Variants in SGMS1 observed in about 807,000 individuals in gnomAD.
The protein encoded by SGMS1 is sphingomyelin synthase 1.
In SGMS1, 13 loss-of-function variants were observed where a neutral mutation model predicts 46.2. The observed-to-expected ratio is 0.28, with a 90% CI of 0.18 to 0.45. The LOEUF is 0.45. Among genes scored for constraint, SGMS1 ranks in the 20% least tolerant of loss-of-function variants. The pLI, the probability that SGMS1 is intolerant of heterozygous loss-of-function variation, is 1.00. For synonymous variants in SGMS1, 203 were observed against 187.8 expected (o/e 1.08, Z -0.66); for missense variants, 324 against 519.9 (o/e 0.62, Z 3.66).
chr10:50,616,142 G>T (rs1838794939), intron 1 of SGMS1, among the ~76,000 whole-genome samples: 1 of 151,968 alleles, frequency 6.6e-6, no homozygotes, highest in Non-Finnish European at 1.5e-5. Context: ...TTGAAACAGG[G>T]TCTTGCTCTG....
chr10:50,380,103 G>A (rs1007963205), intron 6 of SGMS1, among the ~76,000 whole-genome samples: 1 of 152,090 alleles, frequency 6.6e-6, no homozygotes, highest in African/African-American at 2.4e-5. Context: ...TCCCTTGGCT[G>A]GGCACAGTGG....
At chr10:50,552,156 C>G (rs1319358410) in intron 2 of SGMS1, among the ~76,000 whole-genome samples, 1 of 152,212 alleles carries the variant, frequency 6.6e-6, no homozygotes, top group East Asian at 1.9e-4. Context: ...CCAAACTCCT[C>G]AGACAGGCAC....
intron 6 of SGMS1, among the ~76,000 whole-genome samples, chr10:50,352,790 T>G (rs932565221): frequency 1.3e-5 from 2 of 152,150 alleles, no homozygotes; most frequent in African/African-American, 2.4e-5. Context: ...CAAACTACCA[T>G]CAGAGAATAC....
At chr10:50,561,411 CTTAA>C (rs1194994977) in intron 2 of SGMS1, among the ~76,000 whole-genome samples, 1 of 152,192 alleles carries the variant, frequency 6.6e-6, no homozygotes, top group African/African-American at 2.4e-5. Context: ...AGCTCAGTCT[CTTAA>C]TTAACCACGA....
chr10:50,450,231 T>A (rs1037408376), intron 5 of SGMS1, among the ~76,000 whole-genome samples: 2 of 152,130 alleles, frequency 1.3e-5, no homozygotes, highest in African/African-American at 4.8e-5. Context: ...GACTAAGAAA[T>A]TTATACTTTA....
intron 2 of SGMS1, among the ~76,000 whole-genome samples, chr10:50,546,942 C>T (rs1233318220): frequency 6.6e-6 from 1 of 152,072 alleles, no homozygotes; most frequent in Non-Finnish European, 1.5e-5. Flanking sequence ...ATATTTTAAT[C>T]CTCATTTTAC....
At chr10:50,341,477 G>A (rs1847820549) in intron 7 of SGMS1, 1 of 455,696 alleles carries the variant, frequency 2.2e-6, no homozygotes, top group African/African-American at 2.0e-5. Context: ...TTAGTTGGAT[G>A]CATTCTGGAC....
intron 7 of SGMS1, among the ~76,000 whole-genome samples, chr10:50,336,656 A>C (rs1191099158): frequency 6.6e-6 from 1 of 151,898 alleles, no homozygotes. Context: ...AAATCTGTTA[A>C]AAAAAAATAC....
chr10:50,437,740 T>C (rs886701050), intron 5 of SGMS1, among the ~76,000 whole-genome samples: 2 of 152,214 alleles, frequency 1.3e-5, no homozygotes, highest in South Asian at 2.1e-4. Context: ...AAGGATGGTA[T>C]AGTGAAAGTG....
chr10:50,580,429 C>T (rs954694586), intron 2 of SGMS1, among the ~76,000 whole-genome samples: 17 of 151,622 alleles, frequency 1.1e-4, no homozygotes, highest in African/African-American at 3.1e-4. Context: ...TAGGGACCCC[C>T]CCCCAAACCC....
At chr10:50,560,718 G>A (rs1838229540) in intron 2 of SGMS1, among the ~76,000 whole-genome samples, 1 of 150,116 alleles carries the variant, frequency 6.7e-6, no homozygotes, top group Non-Finnish European at 1.5e-5. Context: ...ATACGTGTAG[G>A]AAAAATTTAT....
chr10:50,323,805 A>G (rs1457915367), intron 8 of SGMS1, among the ~76,000 whole-genome samples: 1 of 152,130 alleles, frequency 6.6e-6, no homozygotes, highest in Non-Finnish European at 1.5e-5. Flanking sequence ...GGTCTCTTAA[A>G]TATTGCTCAA....
At chr10:50,450,686 T>C (rs1251025310) in intron 5 of SGMS1, among the ~76,000 whole-genome samples, 1 of 151,876 alleles carries the variant, frequency 6.6e-6, no homozygotes, top group Non-Finnish European at 1.5e-5. Flanking sequence ...AAATGTGATA[T>C]AAAAAAATTA....
chr10:50,524,718 T>A (rs1457762747), intron 2 of SGMS1, among the ~76,000 whole-genome samples: 1 of 152,174 alleles, frequency 6.6e-6, no homozygotes, highest in Non-Finnish European at 1.5e-5. Context: ...GTCACGCAGC[T>A]GGGGAGTGCT....
chr10:50,338,557 ACCT>A (rs1484886933), intron 7 of SGMS1, among the ~76,000 whole-genome samples: 2 of 152,058 alleles, frequency 1.3e-5, no homozygotes, highest in Non-Finnish European at 2.9e-5. Flanking sequence ...ACCCCCAAAA[ACCT>A]CCTATGAGAA....
At chr10:50,384,130 T>C (rs1361092122) in intron 6 of SGMS1, among the ~76,000 whole-genome samples, 1 of 152,130 alleles carries the variant, frequency 6.6e-6, no homozygotes, top group African/African-American at 2.4e-5. Context: ...CAAATTTCAA[T>C]TGTTTATACG....
At chr10:50,346,616 C>T (rs1847916682) in intron 6 of SGMS1, among the ~76,000 whole-genome samples, 2 of 152,140 alleles carry the variant, frequency 1.3e-5, no homozygotes. Context: ...AAACTATTTA[C>T]CAGGATTTCT....
At chr10:50,440,407 C>T (rs533766793) in intron 5 of SGMS1, among the ~76,000 whole-genome samples, 65 of 151,982 alleles carry the variant, frequency 4.3e-4, no homozygotes, top group Non-Finnish European at 7.8e-4. Context: ...TATTTTTCCC[C>T]GCAGAGCCAG....
chr10:50,465,113 A>G (rs547842872), intron 4 of SGMS1, among the ~76,000 whole-genome samples: 1 of 152,324 alleles, frequency 6.6e-6, no homozygotes, highest in African/African-American at 2.4e-5. Context: ...AAAGTAAACA[A>G]AGAATTCCAT....
Sources: gnomAD v4.1 joint callset for allele counts (sites outside exome capture counted in the v4.1 genomes callset) on GRCh38, gnomAD v4.1.1 for gene constraint, MANE v1.5 for transcripts, NCBI Gene and HGNC (gene_info 2026-07-23, HGNC 2026-07-21) for gene names.